Variants in MIPEP observed in about 807,000 individuals in gnomAD.
MIPEP encodes the protein mitochondrial intermediate peptidase.
A neutral mutation model predicts 90.3 loss-of-function variants in MIPEP; 79 were observed. The observed-to-expected ratio is 0.87, with a 90% CI of 0.73 to 1.05. The LOEUF (loss-of-function observed/expected upper bound fraction) is 1.05, where lower values mean the gene tolerates loss of function less well. Ranked by LOEUF, MIPEP falls within the 50% of genes least tolerant of loss-of-function variation. The pLI is 0.00. For missense variants in MIPEP, 940 were observed against 905.6 expected, an observed-to-expected ratio of 1.04 and a Z score of -0.49; for synonymous variants, 334 against 315.8, an observed-to-expected ratio of 1.06 and a Z score of -0.61.
intron 14 of MIPEP, 126 bp downstream of exon 14, chr13:23,836,114 C>A: frequency 5.5e-6 from 3 of 549,928 alleles, no homozygotes; most frequent in Non-Finnish European, 6.4e-6. Context: ...AAAAAAGAAG[C>A]AATAAAAGGT....
At chr13:23,776,368 G>C (rs1011093721) in intron 16 of MIPEP, among the ~76,000 whole-genome samples, 3 of 152,070 alleles carry the variant, frequency 2.0e-5, no homozygotes, top group Admixed American at 1.3e-4. Context: ...TACCTTACCT[G>C]TTCCTCACTC....
chr13:23,745,918 A>G (rs1055233768), intron 18 of MIPEP, among the ~76,000 whole-genome samples: 23 of 151,974 alleles, frequency 1.5e-4, no homozygotes, highest in African/African-American at 5.3e-4. Flanking sequence ...TGACAGAGCA[A>G]GACTATGTCT....
In MIPEP at chr13:23,811,756, C is replaced by G. The variant is rs141660997; in HGVS notation, c.1654-1832G>C. ...AAGAGATGCTACCCGGTCCTGAGAC[C>G]CACCTCCCAACCAGAAACAGACTCA... On this transcript the variant is annotated intron_variant, in intron 14 of 18. Transcript: ENST00000382172. 6.4e-4 allele frequency among the ~76,000 whole-genome samples: 98 copies of G among 152,234 alleles called. 1 individual carries two copies. In the East Asian group the frequency reaches 0.017, roughly 27 times the overall value.
intron 16 of MIPEP, among the ~76,000 whole-genome samples, chr13:23,774,588 T>C (rs934701117): frequency 6.6e-6 from 1 of 152,124 alleles, no homozygotes; most frequent in African/African-American, 2.4e-5. Context: ...TCAATAATGT[T>C]TTACAGTTTA....
rs1287215726 is a variant in MIPEP, at chr13:23,861,178, A to C, written c.1053+1124T>G. Among the ~76,000 whole-genome samples the C allele has an allele frequency of 2.0e-5, 3 of 152,154 alleles. No homozygotes were observed. The East Asian group carries it at 5.8e-4, about 29-fold the overall frequency. On this transcript the variant is annotated intron_variant, in intron 9 of 18. Transcript: ENST00000382172. ...GGTGGCACCATTCACCAAAGCAGGG[A>C]CTTCATGAGGAGATTGGGCATTTCA...
chr13:23,825,490 A>G (rs1380295427), intron 14 of MIPEP, among the ~76,000 whole-genome samples: 1 of 152,238 alleles, frequency 6.6e-6, no homozygotes, highest in Non-Finnish European at 1.5e-5. Flanking sequence ...TTCTACAATG[A>G]AAGCACTAGA....
intron 14 of MIPEP, among the ~76,000 whole-genome samples, chr13:23,820,511 G>T (rs1733004171): frequency 6.6e-6 from 1 of 152,128 alleles, no homozygotes; most frequent in Non-Finnish European, 1.5e-5. Flanking sequence ...GCAATTAAAT[G>T]TAACTTTCAC....
chr13:23,873,265 C>G (rs1257352234), intron 5 of MIPEP, among the ~76,000 whole-genome samples: 1 of 152,168 alleles, frequency 6.6e-6, no homozygotes, highest in Non-Finnish European at 1.5e-5. Context: ...AGCACAGCCA[C>G]GAGTGTGAGC....
intron 7 of MIPEP, among the ~76,000 whole-genome samples, chr13:23,864,573 C>A (rs1593198752): frequency 6.6e-6 from 1 of 151,380 alleles, no homozygotes; most frequent in Non-Finnish European, 1.5e-5. Context: ...CCGTCTCTAC[C>A]AAAAATACAA....
At chr13:23,844,796 T>C (rs1010331748) in intron 10 of MIPEP, among the ~76,000 whole-genome samples, 2 of 152,170 alleles carry the variant, frequency 1.3e-5, no homozygotes, top group Non-Finnish European at 2.9e-5. Flanking sequence ...CATTATGTGT[T>C]GGGCAAAATT....
chr13:23,731,968 A>ATTTT (rs57109674), intron 18 of MIPEP, among the ~76,000 whole-genome samples: 2 of 97,868 alleles, frequency 2.0e-5, no homozygotes, highest in Non-Finnish European at 3.8e-5. Flanking sequence ...AGAATAGCTA[A>ATTTT]TTTTTTTTTT....
chr13:23,766,731 GTGT>G (rs1376342145), intron 16 of MIPEP, among the ~76,000 whole-genome samples: 1 of 152,236 alleles, frequency 6.6e-6, no homozygotes, highest in African/African-American at 2.4e-5. Flanking sequence ...GGAATATAAA[GTGT>G]TGTTAAGTGG....
intron 14 of MIPEP, among the ~76,000 whole-genome samples, chr13:23,816,084 C>T (rs1953233449): frequency 6.6e-6 from 1 of 152,168 alleles, no homozygotes; most frequent in African/African-American, 2.4e-5. Context: ...AAGGTTTTCT[C>T]TTTATCTTTG....
At chr13:23,825,652 T>C (rs1454545036) in intron 14 of MIPEP, among the ~76,000 whole-genome samples, 2 of 152,230 alleles carry the variant, frequency 1.3e-5, no homozygotes, top group Non-Finnish European at 2.9e-5. Context: ...AATACTGACT[T>C]GATCAACTCT....
At chr13:23,732,392 A>G (rs1354381250) in intron 18 of MIPEP, among the ~76,000 whole-genome samples, 3 of 151,906 alleles carry the variant, frequency 2.0e-5, no homozygotes, top group African/African-American at 7.3e-5. Flanking sequence ...GTGTCTTACG[A>G]AACTAAACAT....
intron 14 of MIPEP, among the ~76,000 whole-genome samples, chr13:23,811,845 G>A (rs150520100): frequency 6.1e-4 from 93 of 152,262 alleles, no homozygotes; most frequent in African/African-American, 2.1e-3. Context: ...AGTTCCCCAG[G>A]CCCCTGCCTG....
chr13:23,811,026 C>T (rs1953165675), intron 14 of MIPEP, among the ~76,000 whole-genome samples: 1 of 152,166 alleles, frequency 6.6e-6, no homozygotes, highest in Admixed American at 6.5e-5. Context: ...TGGTACAGGT[C>T]ACAGGCCTGG....
At chr13:23,844,187 T>G in intron 10 of MIPEP, among the ~76,000 whole-genome samples, 3 of 114,414 alleles carry the variant, frequency 2.6e-5, no homozygotes, top group Admixed American at 8.8e-5. Context: ...GCAGAGAAGG[T>G]AAAGGGCAGA....
At chr13:23,769,314 G>A (rs1338306511) in intron 16 of MIPEP, among the ~76,000 whole-genome samples, 2 of 152,178 alleles carry the variant, frequency 1.3e-5, no homozygotes, top group Admixed American at 1.3e-4. Context: ...CACACGACAA[G>A]AAGGGTTCTG....
Sources: gnomAD v4.1 joint callset for allele counts (sites outside exome capture counted in the v4.1 genomes callset) on GRCh38, gnomAD v4.1.1 for gene constraint, MANE v1.5 for transcripts, NCBI Gene and HGNC (gene_info 2026-07-23, HGNC 2026-07-21) for gene names.